Variants in CRBN observed in about 807,000 individuals in gnomAD.
The protein encoded by CRBN is protein cereblon.
In CRBN, 53 loss-of-function variants were observed where a neutral mutation model predicts 62.2. That is an observed-to-expected ratio of 0.85 (90% CI 0.68 to 1.07). The LOEUF is 1.07. CRBN is among the 50% of genes least tolerant of loss of function. The probability of loss-of-function intolerance (pLI) is 0.00; values close to 1 mark genes in which losing one functional copy is unlikely to be tolerated. For missense variants in CRBN, 616 were observed against 531.1 expected, an observed-to-expected ratio of 1.16 and a Z score of -1.57; for synonymous variants, 208 against 176.1, an observed-to-expected ratio of 1.18 and a Z score of -1.43.
intron 1 of CRBN, 66 bp from the exon 2 acceptor site, chr3:3,175,335 CT>C (rs1707791770): frequency 1.7e-6 from 2 of 1,197,954 alleles, no homozygotes; most frequent in Non-Finnish European, 2.5e-6. Context: ...CATGTAATTC[CT>C]TCTTCAAAAG....
chr3:3,150,986 G>T lies in CRBN; in HGVS notation c.1208C>A (p.Thr403Lys). 1 of 1,613,940 alleles carries T rather than the reference G, an allele frequency of 6.2e-7. No individual in the cohort carries two copies. The highest frequency in any genetic ancestry group is 8.5e-7 in the Non-Finnish European group (1 of 1,179,952). The stretch of plus-strand genomic sequence containing the variant: ...AGGTGACATGTCTTTTTTGGTGGCC[G>T]TAAACTTCCATCCAATATGGCTTGC... The part of the protein sequence containing the change: ...ICASHIGWKF[T>K]ATKKDMSPQK... Residue 403 changes from threonine to lysine, a missense_variant, in exon 11 of 11, where the codon ACG becomes AAG. Coordinates refer to ENST00000231948, the MANE Select transcript of CRBN (RefSeq NM_016302.4).
intron 6 of CRBN, 200 bp downstream of exon 6, chr3:3,156,019 G>A: frequency 3.5e-6 from 2 of 565,092 alleles, no homozygotes; most frequent in South Asian, 2.1e-5. Flanking sequence ...GCCCAGGCTG[G>A]TCTTGAATGC....
intron 5 of CRBN, among the ~76,000 whole-genome samples, chr3:3,165,601 A>G (rs148809014): frequency 0.011 from 1,691 of 152,300 alleles, 31 homozygotes; most frequent in Middle Eastern, 0.027. Flanking sequence ...AGGTATGTAC[A>G]CTGTTTTTTA....
chr3:3,177,327 C>G (rs1040225736), intron 1 of CRBN, among the ~76,000 whole-genome samples: 2 of 152,178 alleles, frequency 1.3e-5, no homozygotes, highest in African/African-American at 4.8e-5. Flanking sequence ...AGGCCCCTGA[C>G]AGAAAATAAA....
intron 5 of CRBN, among the ~76,000 whole-genome samples, chr3:3,157,555 G>T (rs184112629): frequency 6.6e-6 from 1 of 152,132 alleles, no homozygotes; most frequent in Non-Finnish European, 1.5e-5. Context: ...TTCATACGCT[G>T]AATGATACTT....
intron 4 of CRBN, among the ~76,000 whole-genome samples, chr3:3,168,817 T>C (rs1707462755): frequency 6.6e-6 from 1 of 152,168 alleles, no homozygotes; most frequent in Admixed American, 6.5e-5. Context: ...TTTATTTCCT[T>C]CCTGCAAACT....
At chr3:3,167,570 T>G in intron 5 of CRBN, 64 bp downstream of exon 5, 2 of 1,496,020 alleles carry the variant, frequency 1.3e-6, no homozygotes, top group Non-Finnish European at 1.9e-6. Flanking sequence ...GTTTCTTTCT[T>G]AAAACAGGAA....
At chr3:3,157,556 AATG>A (rs1559245759) in intron 5 of CRBN, among the ~76,000 whole-genome samples, 11 of 152,158 alleles carry the variant, frequency 7.2e-5, no homozygotes. Context: ...TCATACGCTG[AATG>A]ATACTTACCC....
intron 4 of CRBN, chr3:3,172,152 A>C (rs1027617803): frequency 2.0e-5 from 3 of 152,398 alleles, no homozygotes; most frequent in African/African-American, 7.2e-5. Context: ...ATACTCAGGG[A>C]ATTTCTAAAT....
intron 3 of CRBN, chr3:3,173,837 A>T: frequency 1.8e-6 from 1 of 563,302 alleles, no homozygotes; most frequent in Admixed American, 3.0e-5. Flanking sequence ...CCAGAAAGTT[A>T]AATTGTGTAT....
In CRBN at chr3:3,166,825, C is replaced by T. The variant is rs987523967; in HGVS notation, c.687+809G>A. Among the ~76,000 whole-genome samples, 4 of 151,988 alleles carry T rather than the reference C, an allele frequency of 2.6e-5. No individual in the cohort carries two copies. The South Asian group carries it at 6.2e-4, about 24-fold the overall frequency. ...TTCATTAATTATCCATAATAATTTA[C>T]ATTAAATTAGGATTCTGTATTTACA... On this transcript the variant is annotated intron_variant, in intron 5 of 10. Transcript: ENST00000231948.
At chr3:3,153,510 T>A (rs1294339853) in intron 8 of CRBN, 22 bp from the exon 9 acceptor site, 1 of 1,418,660 alleles carries the variant, frequency 7.0e-7, no homozygotes, top group Non-Finnish European at 1.0e-6. Context: ...GAGAGAAAAA[T>A]TATTGGTAGG....
chr3:3,179,543 T>A (rs1049051295), intron 1 of CRBN, 78 bp downstream of exon 1: 1 of 1,447,124 alleles, frequency 6.9e-7, no homozygotes, highest in African/African-American at 1.4e-5. Flanking sequence ...CACGCCCGCC[T>A]CCCAGGCCCA....
intron 8 of CRBN, 66 bp from the exon 9 acceptor site, chr3:3,153,554 T>A (rs1009525432): frequency 1.1e-6 from 1 of 883,864 alleles, no homozygotes; most frequent in East Asian, 2.4e-5. Flanking sequence ...TGTAATCACA[T>A]AGATCATCAA....
chr3:3,149,709 A>C (rs1028821895), downstream of CRBN: 4 of 152,142 alleles, frequency 2.6e-5, no homozygotes. Flanking sequence ...CCTGATTGGA[A>C]GTATTCTTGA....
chr3:3,162,506 A>C (rs1707182486), intron 5 of CRBN, among the ~76,000 whole-genome samples: 1 of 152,146 alleles, frequency 6.6e-6, no homozygotes, highest in Non-Finnish European at 1.5e-5. Flanking sequence ...CTAACTCCTT[A>C]ATCATGAGAG....
intron 7 of CRBN, 38 bp from the exon 8 acceptor site, chr3:3,154,113 T>G: frequency 8.3e-7 from 1 of 1,202,748 alleles, no homozygotes; most frequent in Non-Finnish European, 1.2e-6. Context: ...AACTTAGGAG[T>G]CAGATAAGCA....
rs867657843 is a variant in CRBN at position 3,152,570 on chromosome 3, G to A, written c.1034C>T (p.Pro345Leu). 1 of 1,613,946 alleles carries A rather than the reference G, an allele frequency of 6.2e-7. No individual in the cohort carries two copies. The highest frequency in any genetic ancestry group is 8.5e-7 in the Non-Finnish European group (1 of 1,179,964). The change falls in exon 10 of 11, where the codon CCG becomes CTG. Residue 345 changes from proline to leucine, a missense_variant. Coordinates refer to ENST00000231948, the MANE Select transcript of CRBN (RefSeq NM_016302.4). ...NEIFSLSLCGPMAAYVNPHGY... is the reference protein window; with the variant it reads ...NEIFSLSLCGLMAAYVNPHGY... ...ATGAGGATTCACATAAGCTGCCATC[G>A]GCCCACATAAGGATAAACTAAAACA...
At chr3:3,156,463 T>G (rs1223276911) in intron 5 of CRBN, 182 bp from the exon 6 acceptor site, 3 of 609,402 alleles carry the variant, frequency 4.9e-6, no homozygotes, top group Non-Finnish European at 5.8e-6. Flanking sequence ...GCTTCCTATA[T>G]CCTTCAAATA....
Sources: allele counts gnomAD v4.1 joint callset (sites outside exome capture counted in the v4.1 genomes callset), GRCh38; gene constraint gnomAD v4.1.1; transcripts MANE v1.5; gene names NCBI Gene and HGNC (gene_info 2026-07-23, HGNC 2026-07-21).